DSE: variants seen among roughly 807,000 people sequenced by gnomAD.
DSE encodes the protein dermatan-sulfate epimerase.
In DSE, 36 loss-of-function variants were observed where a neutral mutation model predicts 84.4. The observed-to-expected ratio is 0.43, with a 90% confidence interval of 0.33 to 0.56. The LOEUF is 0.56. Ranked by LOEUF, DSE falls within the 20% of genes least tolerant of loss-of-function variation. DSE has a pLI of 0.06. For synonymous variants in DSE, 410 were observed against 430.1 expected (o/e 0.95, Z 0.58); for missense variants, 862 against 1,169.6 (o/e 0.74, Z 3.84).
chr6:116,279,636 T>C (rs1182812545), intron 2 of DSE: 1 of 1,604,868 alleles, frequency 6.2e-7, no homozygotes, highest in Admixed American at 1.7e-5. Flanking sequence ...CCCCCTCCTC[T>C]GAAGGCGGTG....
intron 2 of DSE, among the ~76,000 whole-genome samples, chr6:116,405,941 A>G (rs1346937667): frequency 2.0e-5 from 3 of 152,246 alleles, no homozygotes; most frequent in Non-Finnish European, 4.4e-5. Context: ...GGACTCAACT[A>G]ATTTAAACTC....
chr6:116,278,817 C>A, intron 2 of DSE: 1 of 1,614,138 alleles, frequency 6.2e-7, no homozygotes, highest in Non-Finnish European at 8.5e-7. Context: ...CCTCATATTC[C>A]TTGACAATCA....
intron 1 of DSE, among the ~76,000 whole-genome samples, chr6:116,385,045 A>G (rs1780494173): frequency 6.6e-6 from 1 of 152,178 alleles, no homozygotes; most frequent in Non-Finnish European, 1.5e-5. Flanking sequence ...TGAGGGAGCA[A>G]GCCACATGGA....
Position 116,443,398 on chromosome 6 carries a change from G to GT in DSE, c.*6054dup, listed in dbSNP as rs972076596. The GT allele has an allele frequency of 5.9e-5, 9 of 152,350 alleles. No homozygotes were observed. In the South Asian group the frequency reaches 1.9e-3, roughly 32 times the overall value. The allele number at this position is 152,350 out of a possible 1,614,324, so 9.4% of individuals were successfully genotyped here. A position where few individuals can be genotyped will look rare whatever the true frequency, so the allele number is the denominator to read the frequency against. The stretch of plus-strand genomic sequence containing the variant: ...AATTGTTCAAATATTTCTGCCATTT[G>GT]TGTTTTCAGCTTGCCTTGTTCAGGG... On this transcript the variant is annotated 3_prime_UTR_variant, in exon 6 of 6. Transcript: ENST00000644252.
At chr6:116,422,467 G>C (rs891441001) in intron 2 of DSE, among the ~76,000 whole-genome samples, 1 of 152,196 alleles carries the variant, frequency 6.6e-6, no homozygotes, top group Admixed American at 6.5e-5. Flanking sequence ...ATTCTGTCAT[G>C]TAAAAATGTT....
chr6:116,413,241 T>TA lies in DSE; in HGVS notation c.417-13332dup, dbSNP rs1328853674. Among the ~76,000 whole-genome samples, 3 of 152,352 alleles carry TA rather than the reference T, an allele frequency of 2.0e-5. No homozygotes were observed. The East Asian group carries it at 5.8e-4, about 29-fold the overall frequency. ...CATGAGATAGCCCTTGCATTTAAATTATGCCTTGTCCTCATTTTCTATTTC... is the reference window on the plus strand; with the variant it reads ...CATGAGATAGCCCTTGCATTTAAATTAATGCCTTGTCCTCATTTTCTATTTC... On this transcript the variant is annotated intron_variant, in intron 2 of 5. Transcript: ENST00000644252.
intron 2 of DSE, chr6:116,412,555 T>TG (rs1782446202): frequency 6.6e-6 from 1 of 152,304 alleles, no homozygotes; most frequent in Non-Finnish European, 1.5e-5. Context: ...TGGCTTATTT[T>TG]GGATCACATT....
chr6:116,389,986 T>A (rs1353793756), intron 1 of DSE, among the ~76,000 whole-genome samples: 1 of 152,050 alleles, frequency 6.6e-6, no homozygotes, highest in Non-Finnish European at 1.5e-5. Context: ...CATCATTTTC[T>A]TATATTTTTG....
intron 1 of DSE, among the ~76,000 whole-genome samples, chr6:116,373,918 A>G (rs772940030): frequency 4.6e-5 from 7 of 152,250 alleles, no homozygotes; most frequent in African/African-American, 7.2e-5. Context: ...TTTTCACTCA[A>G]TAGTATTATT....
At chr6:116,348,277 A>C (rs1297623505) in intron 2 of DSE, among the ~76,000 whole-genome samples, 5 of 152,168 alleles carry the variant, frequency 3.3e-5, no homozygotes, top group Non-Finnish European at 7.4e-5. Flanking sequence ...AATTAAAAAA[A>C]TTAGCCAGGC....
At chr6:116,326,406 A>G (rs76654505) in intron 2 of DSE, among the ~76,000 whole-genome samples, 3,561 of 152,198 alleles carry the variant, frequency 0.023, 145 homozygotes, top group African/African-American at 0.081. Context: ...GCCAAGAGTG[A>G]TGAAATTTTT....
chr6:116,330,388 G>A (rs962426005), intron 2 of DSE, among the ~76,000 whole-genome samples: 3 of 152,080 alleles, frequency 2.0e-5, no homozygotes, highest in South Asian at 2.1e-4. Context: ...CACTGCATGC[G>A]TCTATTCATT....
At chr6:116,394,930 C>A (rs2114983235) in intron 1 of DSE, among the ~76,000 whole-genome samples, 1 of 152,288 alleles carries the variant, frequency 6.6e-6, no homozygotes, top group South Asian at 2.1e-4. Context: ...GTTGAAAATG[C>A]TATGCTCTTG....
chr6:116,254,284 A>AG (rs1429936718), exon 1 of DSE: 1 of 657,734 alleles, frequency 1.5e-6, no homozygotes, highest in South Asian at 1.5e-5. Flanking sequence ...GATGTAGACC[A>AG]GACTCAAGCA....
rs139209201 is a variant in DSE at position 116,397,530 on chromosome 6, C to G, written c.-53-1668C>G. On this transcript the variant is annotated intron_variant, in intron 1 of 5. Transcript: ENST00000644252. ...CCGGTATATTGTTCTCTAAATGGAG[C>G]AAGGAATAAGCCCCTGGGGGGACTG... Among the ~76,000 whole-genome samples, 487 of 152,134 alleles carry G rather than the reference C, an allele frequency of 3.2e-3. 3 individuals carry two copies. Among genetic ancestry groups the G allele is most frequent in the African/African-American group, 0.011 (467 of 41,512 alleles).
chr6:116,386,042 T>C (rs1473416341), intron 1 of DSE, among the ~76,000 whole-genome samples: 2 of 152,242 alleles, frequency 1.3e-5, no homozygotes, highest in African/African-American at 2.4e-5. Flanking sequence ...TTTAGCCCTT[T>C]GCTTACCATC....
At chr6:116,386,474 G>C (rs1780583759) in intron 1 of DSE, among the ~76,000 whole-genome samples, 2 of 152,198 alleles carry the variant, frequency 1.3e-5, no homozygotes. Context: ...GCAAAGCCCA[G>C]GAGAAAACAG....
intron 2 of DSE, among the ~76,000 whole-genome samples, chr6:116,314,486 C>A (rs1280731274): frequency 6.6e-6 from 1 of 152,152 alleles, no homozygotes; most frequent in Non-Finnish European, 1.5e-5. Flanking sequence ...GACTTTGGCT[C>A]AGATAAGTTA....
chr6:116,415,874 A>G (rs1419028998), intron 2 of DSE, among the ~76,000 whole-genome samples: 1 of 152,212 alleles, frequency 6.6e-6, no homozygotes, highest in East Asian at 1.9e-4. Context: ...CTAAAAATGC[A>G]TACAAATGCT....
Sources: allele counts gnomAD v4.1 joint callset (sites outside exome capture counted in the v4.1 genomes callset), GRCh38; gene constraint gnomAD v4.1.1; transcripts MANE v1.5; gene names NCBI Gene and HGNC (gene_info 2026-07-23, HGNC 2026-07-21).